Variants in ZNF678 observed in about 807,000 individuals in gnomAD.
ZNF678 encodes the protein hypothetical protein MGC42493.
In ZNF678, 5 loss-of-function variants were observed where a neutral mutation model predicts 3.0. The ratio of observed to expected loss-of-function variants is 1.69; its 90% CI spans 0.88 to 3.56. The LOEUF is 3.56. Among genes scored for constraint, ZNF678 ranks in the 30% most tolerant of loss-of-function variants. The pLI, the probability that ZNF678 is intolerant of heterozygous loss-of-function variation, is 0.00. For synonymous variants in ZNF678, 218 were observed against 199.6 expected, an observed-to-expected ratio of 1.09 and a Z score of -0.78; for missense variants, 593 against 605.0, an observed-to-expected ratio of 0.98 and a Z score of 0.21.
In ZNF678 at chr1:227,660,342, A is replaced by G. The variant is rs1046314766; in HGVS notation, c.*4514A>G. 5.9e-5 allele frequency: 9 copies of G among 151,380 alleles called. No individual in the cohort carries two copies. The highest frequency in any genetic ancestry group is 1.3e-4 in the Non-Finnish European group (9 of 67,874). The allele number at this position is 151,380 out of a possible 1,614,324, so 9.4% of individuals were successfully genotyped here. A position where few individuals can be genotyped will look rare whatever the true frequency, so the allele number is the denominator to read the frequency against. ...TCATTTTGTGTAACATAGACTTTTT[A>G]GCAATATTAATTTGGCCAATTTATG... is the stretch of plus-strand genomic sequence containing the variant. On this transcript the variant is annotated 3_prime_UTR_variant, in exon 4 of 4. Transcript: ENST00000343776.
At position 227,662,299 on chromosome 1, in the gene ZNF678, G is replaced by A. The variant is rs1332545520; in HGVS notation, c.*6471G>A. 1.3e-5 allele frequency: 2 copies of A among 152,146 alleles called. No homozygotes were observed. The highest frequency in any genetic ancestry group is 4.8e-5 in the African/African-American group (2 of 41,430). The allele number at this position is 152,146 out of a possible 1,614,324, so 9.4% of individuals were successfully genotyped here. A position where few individuals can be genotyped will look rare whatever the true frequency, so the allele number is the denominator to read the frequency against. ...TCCTTAAAGCATGTGGTTCAGAATT[G>A]AGAACGTGCAGAGTGAGAGTGGTAT... On this transcript the variant is annotated 3_prime_UTR_variant, in exon 4 of 4. Transcript: ENST00000343776.
downstream of ZNF678, among the ~76,000 whole-genome samples, chr1:227,666,249 T>G (rs534781317): frequency 2.0e-5 from 3 of 152,324 alleles, no homozygotes; most frequent in South Asian, 6.2e-4. Flanking sequence ...AGACTGATTA[T>G]TAAGCTAAAG....
intron 1 of ZNF678, among the ~76,000 whole-genome samples, chr1:227,577,972 T>A (rs1241041530): frequency 6.6e-6 from 1 of 152,128 alleles, no homozygotes; most frequent in Non-Finnish European, 1.5e-5. Context: ...CTTAAAAGGA[T>A]CTTATTTCTT....
chr1:227,610,550 G>A (rs116461667), intron 1 of ZNF678, among the ~76,000 whole-genome samples: 66 of 152,242 alleles, frequency 4.3e-4, no homozygotes, highest in African/African-American at 1.5e-3. Context: ...AGGAGAACAA[G>A]CCTTTAGAAT....
chr1:227,627,956 T>C (rs551004313), intron 1 of ZNF678, among the ~76,000 whole-genome samples: 3 of 152,350 alleles, frequency 2.0e-5, no homozygotes, highest in African/African-American at 7.2e-5. Flanking sequence ...TTTTCTTCAT[T>C]GTCTGGAAGA....
chr1:227,606,757 A>G (rs1657883598), intron 1 of ZNF678, among the ~76,000 whole-genome samples: 1 of 152,116 alleles, frequency 6.6e-6, no homozygotes. Context: ...CCTGGTTAAT[A>G]GAGAATGGAG....
chr1:227,622,016 T>A (rs1658292815), intron 1 of ZNF678, among the ~76,000 whole-genome samples: 1 of 152,212 alleles, frequency 6.6e-6, no homozygotes. Context: ...CTATATTTTG[T>A]TGTACATATT....
chr1:227,631,188 G>A (rs1310487807), intron 1 of ZNF678, among the ~76,000 whole-genome samples: 4 of 152,148 alleles, frequency 2.6e-5, no homozygotes, highest in African/African-American at 4.8e-5. Flanking sequence ...GTCATTTTCC[G>A]ATGAGCATTA....
At chr1:227,575,889 A>G (rs1656976225) in intron 1 of ZNF678, among the ~76,000 whole-genome samples, 1 of 152,110 alleles carries the variant, frequency 6.6e-6, no homozygotes, top group Non-Finnish European at 1.5e-5. Context: ...TTTCTTGTAT[A>G]TGGCTCTTAT....
chr1:227,573,652 T>A (rs1001630091), intron 1 of ZNF678, among the ~76,000 whole-genome samples: 1 of 152,242 alleles, frequency 6.6e-6, no homozygotes, highest in Non-Finnish European at 1.5e-5. Flanking sequence ...TAGCACTCAG[T>A]ACTGCTTTTT....
chr1:227,625,558 A>G (rs1287764284), intron 1 of ZNF678, among the ~76,000 whole-genome samples: 2 of 152,214 alleles, frequency 1.3e-5, no homozygotes, highest in African/African-American at 4.8e-5. Flanking sequence ...AGGAGGTTAA[A>G]GATACAGGGA....
chr1:227,616,167 T>A (rs889676134), intron 1 of ZNF678, among the ~76,000 whole-genome samples: 4 of 152,184 alleles, frequency 2.6e-5, no homozygotes, highest in African/African-American at 9.7e-5. Flanking sequence ...TTACCTATTT[T>A]CTTACCCACC....
chr1:227,631,004 C>T (rs1658534899), intron 1 of ZNF678, among the ~76,000 whole-genome samples: 2 of 151,530 alleles, frequency 1.3e-5, no homozygotes, highest in South Asian at 4.2e-4. Flanking sequence ...CAGGTTTCTC[C>T]CCTTGAAGAG....
At chr1:227,587,566 T>C (rs1385251727) in intron 1 of ZNF678, among the ~76,000 whole-genome samples, 1 of 152,202 alleles carries the variant, frequency 6.6e-6, no homozygotes, top group Admixed American at 6.5e-5. Flanking sequence ...CAAGAACATT[T>C]TGAGATATTT....
At chr1:227,642,030 T>C (rs921670411) in intron 1 of ZNF678, among the ~76,000 whole-genome samples, 7 of 152,216 alleles carry the variant, frequency 4.6e-5, no homozygotes, top group African/African-American at 1.7e-4. Flanking sequence ...CTTCAGCATC[T>C]GTTAGAGAAG....
chr1:227,582,931 TG>T (rs1215584764), intron 1 of ZNF678, among the ~76,000 whole-genome samples: 1 of 152,220 alleles, frequency 6.6e-6, no homozygotes, highest in African/African-American at 2.4e-5. Flanking sequence ...ATATTTTAGT[TG>T]AAGGTTAATT....
intron 1 of ZNF678, among the ~76,000 whole-genome samples, chr1:227,628,001 G>A (rs1265659650): frequency 6.6e-6 from 1 of 152,242 alleles, no homozygotes; most frequent in Non-Finnish European, 1.5e-5. Context: ...CAAGTGCACA[G>A]TGGCAGCACT....
chr1:227,669,350 C>T (rs1020772210), intron 5 of ZNF678, among the ~76,000 whole-genome samples: 2 of 152,074 alleles, frequency 1.3e-5, no homozygotes, highest in Non-Finnish European at 2.9e-5. Context: ...CAAATTAAAA[C>T]CACAATGAAA....
Position 227,566,892 on chromosome 1 carries a change from G to A in ZNF678, c.-164+3168G>A, listed in dbSNP as rs183313077. On this transcript the variant is annotated intron_variant, in intron 1 of 3. Coordinates refer to ENST00000343776, the MANE Select transcript of ZNF678 (RefSeq NM_001367909.1). ...AGGGTGATTTCAAACAGAATCTCAGGGCTTAAGTTTGGGAATTCTATCGGG... is the reference window on the plus strand; with the variant it reads ...AGGGTGATTTCAAACAGAATCTCAGAGCTTAAGTTTGGGAATTCTATCGGG... Among the ~76,000 whole-genome samples the A allele has an allele frequency of 1.1e-4, 16 of 152,200 alleles. No individual in the cohort carries two copies. The East Asian group carries it at 2.9e-3, about 28-fold the overall frequency.
Sources: allele counts gnomAD v4.1 joint callset (sites outside exome capture counted in the v4.1 genomes callset), GRCh38; gene constraint gnomAD v4.1.1; transcripts MANE v1.5; gene names NCBI Gene and HGNC (gene_info 2026-07-23, HGNC 2026-07-21).